NIPBL: variants seen among roughly 807,000 people sequenced by gnomAD.
NIPBL encodes the protein NIPBL cohesin loading factor, also known as nipped-B-like protein.
NIPBL carries 19 observed loss-of-function variants against 321.8 expected under a neutral mutation model. That is an observed-to-expected ratio of 0.06 (90% CI 0.04 to 0.09). The LOEUF (loss-of-function observed/expected upper bound fraction) is 0.09. Among genes scored for constraint, NIPBL ranks in the 10% least tolerant of loss-of-function variants. The pLI is 1.00. For synonymous variants in NIPBL, 1,106 were observed against 1,114.1 expected, an observed-to-expected ratio of 0.99 and a Z score of 0.14; for missense variants, 2,210 against 3,327.0, an observed-to-expected ratio of 0.66 and a Z score of 8.26.
intron 1 of NIPBL, among the ~76,000 whole-genome samples, chr5:36,883,599 A>T (rs547513747): frequency 2.0e-5 from 3 of 152,090 alleles, no homozygotes; most frequent in Admixed American, 6.5e-5. Context: ...ATTAGTCTTT[A>T]TGATTGATAT....
chr5:36,938,620 G>A (rs1369288522), intron 1 of NIPBL, among the ~76,000 whole-genome samples: 1 of 152,122 alleles, frequency 6.6e-6, no homozygotes, highest in Admixed American at 6.6e-5. Context: ...TTTGTTCAGT[G>A]ATAAAAATCT....
chr5:37,011,603 A>C (rs947646626), intron 21 of NIPBL, among the ~76,000 whole-genome samples: 1 of 152,232 alleles, frequency 6.6e-6, no homozygotes, highest in Non-Finnish European at 1.5e-5. Flanking sequence ...TGAAAAGTTC[A>C]GATCCTCTTT....
intron 21 of NIPBL, among the ~76,000 whole-genome samples, chr5:37,012,275 G>A (rs933537711): frequency 3.3e-5 from 5 of 149,330 alleles, no homozygotes; most frequent in East Asian, 2.0e-4. Flanking sequence ...TCAGCCTTCC[G>A]AGTAGCTGGA....
At chr5:36,923,865 A>C (rs537513306) in intron 1 of NIPBL, among the ~76,000 whole-genome samples, 1 of 152,324 alleles carries the variant, frequency 6.6e-6, no homozygotes, top group East Asian at 1.9e-4. Context: ...AGTCCTGGCA[A>C]TATCTAGTCT....
chr5:37,001,633 G>T (rs928078250), intron 14 of NIPBL, among the ~76,000 whole-genome samples: 85 of 152,208 alleles, frequency 5.6e-4, no homozygotes, highest in African/African-American at 1.3e-3. Flanking sequence ...CCAGTAGTAT[G>T]TTAAGTGCTG....
At position 37,000,575 on chromosome 5, in the gene NIPBL, T is replaced by A. The variant is rs1298173443; in HGVS notation, c.3502+5T>A. On this transcript the variant is annotated splice_donor_5th_base_variant and intron_variant, in intron 12 of 46. Transcript: ENST00000282516. ...CTCCTCCCAGCCTTAGTGAGGGTAATTCATCAGTGTCAACGGATTTCTTAC... is the reference window on the plus strand; with the variant it reads ...CTCCTCCCAGCCTTAGTGAGGGTAAATCATCAGTGTCAACGGATTTCTTAC... 1 of 1,612,602 alleles carries A rather than the reference T, an allele frequency of 6.2e-7. No homozygotes were observed. Among genetic ancestry groups the A allele is most frequent in the Non-Finnish European group, 8.5e-7 (1 of 1,178,984 alleles).
intron 1 of NIPBL, among the ~76,000 whole-genome samples, chr5:36,940,753 A>G (rs930537397): frequency 2.6e-5 from 4 of 152,152 alleles, no homozygotes; most frequent in Admixed American, 2.0e-4. Flanking sequence ...CTCTGTAATT[A>G]TTGTCTTAAA....
At chr5:36,916,246 ATTT>A (rs1748447328) in intron 1 of NIPBL, among the ~76,000 whole-genome samples, 1 of 152,122 alleles carries the variant, frequency 6.6e-6, no homozygotes, top group Non-Finnish European at 1.5e-5. Context: ...TGTTTTTCTT[ATTT>A]ATAAGAGGCA....
At chr5:36,988,014 C>T (rs778151848) in intron 10 of NIPBL, among the ~76,000 whole-genome samples, 2 of 151,992 alleles carry the variant, frequency 1.3e-5, no homozygotes, top group Non-Finnish European at 2.9e-5. Flanking sequence ...AAGTGGTACC[C>T]TCTTGTTCCT....
Position 37,017,193 on chromosome 5 carries a change from A to G in NIPBL, c.4920+31A>G, listed in dbSNP as rs371862635. 2.6e-6 allele frequency: 4 copies of G among 1,564,022 alleles called. No homozygotes were observed. The African/African-American group carries it at 5.4e-5, about 21-fold the overall frequency. On this transcript the variant is annotated intron_variant, in intron 24 of 46. Coordinates refer to ENST00000282516, the MANE Select transcript of NIPBL (RefSeq NM_133433.4). Reference sequence around the variant, plus strand: ...AAGATAAAAGATTAAAATTATGGGAATGAATAATAGTTATTTTCTTTGCAT... The same window carrying G: ...AAGATAAAAGATTAAAATTATGGGAGTGAATAATAGTTATTTTCTTTGCAT...
intron 1 of NIPBL, among the ~76,000 whole-genome samples, chr5:36,921,256 G>A (rs1008337668): frequency 6.6e-6 from 1 of 151,814 alleles, no homozygotes; most frequent in African/African-American, 2.4e-5. Flanking sequence ...ATTGATTCTG[G>A]TTTGACTACT....
At chr5:37,002,908 GT>G (rs965901125) in intron 15 of NIPBL, 143 bp downstream of exon 15, 3 of 583,890 alleles carry the variant, frequency 5.1e-6, no homozygotes, top group Non-Finnish European at 8.8e-6. Context: ...GTCTAAATGA[GT>G]TTTTTTGTTT....
rs578179096 is a variant in NIPBL at position 36,918,260 on chromosome 5, C to T, written c.-79-35358C>T. Among the ~76,000 whole-genome samples, 22 of 152,144 alleles carry T rather than the reference C, an allele frequency of 1.4e-4. 1 individual carries two copies. In the South Asian group the frequency reaches 4.4e-3, roughly 30 times the overall value. ...TTCACATCCCTTTTAAGTTGGATTC[C>T]TAGGTATTTTATTCTCTTTGAAGCA... On this transcript the variant is annotated intron_variant, in intron 1 of 46. Coordinates refer to ENST00000282516, the MANE Select transcript of NIPBL (RefSeq NM_133433.4).
In NIPBL at chr5:37,053,334, A is replaced by G. The variant is rs548668467; in HGVS notation, c.7263+768A>G. On this transcript the variant is annotated intron_variant, in intron 42 of 46. Coordinates refer to ENST00000282516, the MANE Select transcript of NIPBL (RefSeq NM_133433.4). ...ATAGAAAAGGTACAGTAAAAATATG[A>G]TAGGATAATCTTATGGGACCATCAT... Among the ~76,000 whole-genome samples the G allele has an allele frequency of 1.1e-4, 13 of 119,134 alleles. No individual in the cohort carries two copies. In the Admixed American group the frequency reaches 1.3e-3, roughly 12 times the overall value. 78.2% of individuals were successfully genotyped at this position (119,134 alleles called of 152,430 possible). A position where few individuals can be genotyped will look rare whatever the true frequency, so the allele number is the denominator to read the frequency against.
At chr5:36,900,561 C>A (rs1747125644) in intron 1 of NIPBL, among the ~76,000 whole-genome samples, 1 of 152,092 alleles carries the variant, frequency 6.6e-6, no homozygotes, top group Admixed American at 6.5e-5. Flanking sequence ...GTATGCTCTC[C>A]TTAAGTTTAG....
Position 37,038,675 on chromosome 5 carries a change from A to G in NIPBL, c.6045A>G (p.Ile2015Met). The change falls in exon 34 of 47, where the codon ATA becomes ATG. Residue 2015 changes from isoleucine to methionine, a missense_variant. Around this residue, in one of 14 missense-constraint regions of NIPBL, gnomAD observed 73 missense variants for 222.3 expected, o/e 0.33. Coordinates refer to ENST00000282516, the MANE Select transcript of NIPBL (RefSeq NM_133433.4). ...CITTLFLFSK[I>M]RPQLMVKHAM... ...CCACTTTGTTCTTATTCAGCAAAAT[A>G]AGACCCCAGCTCATGGTTAAACATG... 7 of 1,613,908 alleles carry G rather than the reference A, an allele frequency of 4.3e-6. No individual in the cohort carries two copies. The highest frequency in any genetic ancestry group is 5.9e-6 in the Non-Finnish European group (7 of 1,179,894).
At chr5:37,013,877 A>G (rs1748569445) in intron 21 of NIPBL, among the ~76,000 whole-genome samples, 2 of 152,212 alleles carry the variant, frequency 1.3e-5, no homozygotes. Flanking sequence ...TGGAGGTTGT[A>G]GCCAGCCGAG....
intron 24 of NIPBL, among the ~76,000 whole-genome samples, chr5:37,018,472 A>C (rs1038858959): frequency 5.9e-5 from 9 of 152,134 alleles, no homozygotes; most frequent in Non-Finnish European, 1.3e-4. Flanking sequence ...TTCTAGAACA[A>C]AAAGGTATTT....
At chr5:36,901,442 A>G (rs1190286970) in intron 1 of NIPBL, among the ~76,000 whole-genome samples, 1 of 140,394 alleles carries the variant, frequency 7.1e-6, no homozygotes. Flanking sequence ...AATGATGTAT[A>G]TTGCTTTGAG....
Sources: gnomAD v4.1 joint callset for allele counts (sites outside exome capture counted in the v4.1 genomes callset) on GRCh38, gnomAD v4.1.1 for gene constraint, gnomAD v4.1.1 regional missense constraint, MANE v1.5 for transcripts, NCBI Gene and HGNC (gene_info 2026-07-23, HGNC 2026-07-21) for gene names.